SCN11A: variants seen among roughly 807,000 people sequenced by gnomAD.
SCN11A encodes the protein sodium voltage-gated channel alpha subunit 11.
Under a neutral mutation model 162.2 loss-of-function variants are expected in SCN11A, and 122 were observed. The ratio of observed to expected loss-of-function variants is 0.75; its 90% CI spans 0.65 to 0.87. The LOEUF is 0.87. SCN11A is among the 40% of genes least tolerant of loss of function. The pLI is 0.00. For synonymous variants in SCN11A, 758 were observed against 751.5 expected (o/e 1.01, Z -0.14); for missense variants, 2,015 against 2,181.6 (o/e 0.92, Z 1.52).
Position 38,925,429 on chromosome 3 carries a change from A to G in SCN11A, c.698T>C (p.Ile233Thr). ...TFRVFRALKA[I>T]SVVSRLKVIV... ...GAGTGACTTACGTGAAACTACTGAAATTGCTTTCAAAGCTCTGAACACACG... is the reference window on the plus strand; with the variant it reads ...GAGTGACTTACGTGAAACTACTGAAGTTGCTTTCAAAGCTCTGAACACACG... Residue 233 changes from isoleucine to threonine, a missense_variant, in exon 9 of 30, where the codon ATT becomes ACT. Transcript: ENST00000302328. The G allele has an allele frequency of 6.2e-7, 1 of 1,610,698 alleles. No individual in the cohort carries two copies. Among genetic ancestry groups the G allele is most frequent in the Non-Finnish European group, 8.5e-7 (1 of 1,176,868 alleles).
chr3:38,846,792 TTTGGTCACCTTGGTCACCC>T lies in SCN11A; in HGVS notation c.5259_5277del (p.Gly1754MetfsTer58). On this transcript the variant is annotated frameshift_variant, in exon 30 of 30. Coordinates refer to ENST00000302328, the MANE Select transcript of SCN11A (RefSeq NM_001349253.2). LOFTEE classifies it low-confidence loss of function (END_TRUNC). ...GAATGAGGCCCGTTTTCCAAGTCAT[TTTGGTCACCTTGGTCACCC>T]TTGGTCACCTTCATCATGTACTTTC... 1 of 1,614,104 alleles carries T rather than the reference TTTGGTCACCTTGGTCACCC, an allele frequency of 6.2e-7. No individual in the cohort carries two copies. The highest frequency in any genetic ancestry group is 8.5e-7 in the Non-Finnish European group (1 of 1,180,018).
chr3:39,048,604 ATG>A (rs973742096), intron 1 of SCN11A, among the ~76,000 whole-genome samples: 6 of 152,212 alleles, frequency 3.9e-5, no homozygotes, highest in African/African-American at 1.4e-4. Flanking sequence ...TACAATTATT[ATG>A]TGTCAATTAA....
chr3:38,868,728 G>A (rs916178154), intron 26 of SCN11A, among the ~76,000 whole-genome samples: 4 of 152,182 alleles, frequency 2.6e-5, no homozygotes, highest in African/African-American at 9.7e-5. Flanking sequence ...AGTAAATTGA[G>A]GGAAACATGG....
At chr3:38,912,242 TCTC>T (rs1389284389) in intron 11 of SCN11A, among the ~76,000 whole-genome samples, 2 of 152,062 alleles carry the variant, frequency 1.3e-5, no homozygotes, top group Admixed American at 1.3e-4. Context: ...TTTTGTTCAA[TCTC>T]CTCCTCTCTG....
At chr3:38,994,161 CAAGAT>C (rs1199966187) in intron 2 of SCN11A, among the ~76,000 whole-genome samples, 8 of 152,178 alleles carry the variant, frequency 5.3e-5, no homozygotes, top group Admixed American at 6.5e-5. Flanking sequence ...AAACTAGACA[CAAGAT>C]AAGACTAAAA....
intron 7 of SCN11A, among the ~76,000 whole-genome samples, chr3:38,930,049 A>G (rs1328142867): frequency 6.6e-6 from 1 of 152,206 alleles, no homozygotes; most frequent in Admixed American, 6.6e-5. Context: ...TCAAAAAAAA[A>G]ATCTCGTATC....
intron 7 of SCN11A, 83 bp downstream of exon 7, chr3:38,945,328 C>A (rs2066499649): frequency 1.2e-6 from 1 of 853,008 alleles, no homozygotes; most frequent in Non-Finnish European, 1.9e-6. Context: ...GTGACTTTTT[C>A]TTTCTCTCCA....
intron 2 of SCN11A, among the ~76,000 whole-genome samples, chr3:38,979,217 GAA>G (rs1165136695): frequency 8.5e-5 from 13 of 152,160 alleles, no homozygotes; most frequent in African/African-American, 2.4e-4. Context: ...GCTGAATGAA[GAA>G]AAGAGTGAAT....
At chr3:38,972,190 C>T (rs1272388918) in intron 2 of SCN11A, among the ~76,000 whole-genome samples, 1 of 152,182 alleles carries the variant, frequency 6.6e-6, no homozygotes, top group Non-Finnish European at 1.5e-5. Context: ...GAGCTCAGAG[C>T]TGTGCCTGCC....
chr3:39,019,208 C>A (rs760628118), intron 2 of SCN11A, among the ~76,000 whole-genome samples: 6 of 152,102 alleles, frequency 3.9e-5, no homozygotes, highest in Non-Finnish European at 8.8e-5. Context: ...CTAAGATTGG[C>A]CTTTTGAGAT....
chr3:39,027,997 A>ATT (rs1473939489), intron 2 of SCN11A, among the ~76,000 whole-genome samples: 1 of 152,174 alleles, frequency 6.6e-6, no homozygotes, highest in Non-Finnish European at 1.5e-5. Flanking sequence ...GTGGGACTTA[A>ATT]TTCAGTTCAG....
intron 2 of SCN11A, among the ~76,000 whole-genome samples, chr3:39,007,004 G>C (rs766366495): frequency 9.2e-5 from 14 of 152,030 alleles, no homozygotes; most frequent in Non-Finnish European, 1.8e-4. Flanking sequence ...GTTTCATAGA[G>C]AGAGAGAAAA....
In SCN11A at chr3:38,970,616, T is replaced by C. The variant is rs200752315; in HGVS notation, c.-279-10193A>G. Among the ~76,000 whole-genome samples, 8 of 152,322 alleles carry C rather than the reference T, an allele frequency of 5.3e-5. No homozygotes were observed. The East Asian group carries it at 1.5e-3, about 29-fold the overall frequency. On this transcript the variant is annotated intron_variant, in intron 2 of 29. Coordinates refer to ENST00000302328, the MANE Select transcript of SCN11A (RefSeq NM_001349253.2). ...GAGTGTGTGTGCCTGCTCACAGATG[T>C]CTAGAGAGTCAGACCCTCAGGGTCC...
intron 9 of SCN11A, 131 bp downstream of exon 9, chr3:38,925,284 G>A (rs2125552481): frequency 1.6e-6 from 1 of 639,064 alleles, no homozygotes; most frequent in Non-Finnish European, 2.8e-6. Flanking sequence ...ATTATCAGTT[G>A]GACCATCAAA....
chr3:38,974,912 G>T (rs572546675), intron 2 of SCN11A, among the ~76,000 whole-genome samples: 1 of 150,600 alleles, frequency 6.6e-6, no homozygotes, highest in East Asian at 1.9e-4. Flanking sequence ...CAATAACTAC[G>T]TGCAAAATAG....
chr3:38,851,810 T>C (rs2064785043), intron 28 of SCN11A, among the ~76,000 whole-genome samples: 1 of 152,144 alleles, frequency 6.6e-6, no homozygotes, highest in African/African-American at 2.4e-5. Context: ...TGTTGGCTTG[T>C]GGTGGTGACA....
At chr3:38,882,982 C>T (rs1251647118) in intron 22 of SCN11A, among the ~76,000 whole-genome samples, 2 of 152,154 alleles carry the variant, frequency 1.3e-5, no homozygotes, top group Non-Finnish European at 2.9e-5. Context: ...AAGGACCAGA[C>T]TCTAGTGGCC....
intron 28 of SCN11A, among the ~76,000 whole-genome samples, chr3:38,856,235 T>C (rs969224929): frequency 1.3e-5 from 2 of 152,158 alleles, no homozygotes; most frequent in East Asian, 3.9e-4. Flanking sequence ...GGCACTTCAC[T>C]GCAGACACAG....
At chr3:38,861,573 C>A (rs534093194) in intron 28 of SCN11A, among the ~76,000 whole-genome samples, 10 of 152,098 alleles carry the variant, frequency 6.6e-5, no homozygotes, top group African/African-American at 1.9e-4. Flanking sequence ...GAATAGAGAA[C>A]CCCCCAAAAA....
Sources: gnomAD v4.1 joint callset for allele counts (sites outside exome capture counted in the v4.1 genomes callset) on GRCh38, gnomAD v4.1.1 for gene constraint, MANE v1.5 for transcripts, NCBI Gene and HGNC (gene_info 2026-07-23, HGNC 2026-07-21) for gene names.